The following CRY2 variants were observed in gnomAD, a reference collection of about 807,000 sequenced individuals.
CRY2 encodes cryptochrome circadian regulator 2.
In CRY2, 31 loss-of-function variants were observed where a neutral mutation model predicts 69.5. That is an observed-to-expected ratio of 0.45 (90% confidence interval 0.34 to 0.60). The LOEUF is 0.60. Among genes scored for constraint, CRY2 ranks in the 20% least tolerant of loss-of-function variants. The pLI, the probability that CRY2 is intolerant of heterozygous loss-of-function variation, is 0.02. For synonymous variants in CRY2, 303 were observed against 312.2 expected (o/e 0.97, Z 0.31); for missense variants, 606 against 797.8 (o/e 0.76, Z 2.90).
intron 11 of CRY2, among the ~76,000 whole-genome samples, chr11:45,877,731 AT>A (rs962522210): frequency 1.2e-4 from 18 of 151,850 alleles, no homozygotes; most frequent in African/African-American, 4.4e-4. Context: ...TGCTATCATC[AT>A]TTTTTTGCAA....
chr11:45,865,915 G>A (rs546461827), intron 5 of CRY2, among the ~76,000 whole-genome samples: 4 of 152,324 alleles, frequency 2.6e-5, no homozygotes, highest in South Asian at 4.1e-4. Flanking sequence ...ATGAGTTAGC[G>A]GGGGATGGGA....
intron 2 of CRY2, among the ~76,000 whole-genome samples, chr11:45,856,926 T>C (rs2086244547): frequency 1.3e-5 from 2 of 152,166 alleles, no homozygotes; most frequent in Admixed American, 1.3e-4. Flanking sequence ...AGTCCACTTT[T>C]CCCTCAATCC....
At chr11:45,868,779 G>C (rs1206452309) in intron 6 of CRY2, among the ~76,000 whole-genome samples, 3 of 151,844 alleles carry the variant, frequency 2.0e-5, no homozygotes, top group Non-Finnish European at 2.9e-5. Flanking sequence ...GACTATAGGT[G>C]CATGCCACCA....
Position 45,870,914 on chromosome 11 carries a change from C to T in CRY2, c.1622C>T (p.Ala541Val), listed in dbSNP as rs1427876689. 6.2e-7 allele frequency: 1 copy of T among 1,612,036 alleles called. No individual in the cohort carries two copies. The highest frequency in any genetic ancestry group is 1.1e-5 in the South Asian group (1 of 91,018). ...GTGGCAGAGCCCAGCTCGAGCCAGG[C>T]TGGCAGCATGAGCAGTGCAGGTGAG... ...HPVAEPSSSQAGSMSSAGPRP... is the reference protein window; with the variant it reads ...HPVAEPSSSQVGSMSSAGPRP... The change falls in exon 10 of 12, where the codon GCT becomes GTT. Residue 541 changes from alanine to valine, a missense_variant. Ala to Val is a moderately conservative substitution (Grantham distance 64). Transcript: ENST00000616080.
chr11:45,852,741 G>A (rs144425473), intron 1 of CRY2, among the ~76,000 whole-genome samples: 27 of 152,362 alleles, frequency 1.8e-4, no homozygotes, highest in African/African-American at 5.0e-4. Flanking sequence ...AAGGCAACTT[G>A]TAACAGAGAC....
At chr11:45,870,264 A>ATACCCTG in intron 8 of CRY2, 60 bp downstream of exon 8, 1 of 1,612,000 alleles carries the variant, frequency 6.2e-7, no homozygotes, top group Non-Finnish European at 8.5e-7. Flanking sequence ...CTAGGATGGG[A>ATACCCTG]TACCCTGGGC....
chr11:45,872,322 C>T, intron 11 of CRY2, 89 bp downstream of exon 11: 1 of 1,238,942 alleles, frequency 8.1e-7, no homozygotes, highest in Non-Finnish European at 1.2e-6. Context: ...TGAAACATAG[C>T]AAACTAGATG....
At chr11:45,875,687 G>A (rs933318506) in intron 11 of CRY2, among the ~76,000 whole-genome samples, 2 of 152,128 alleles carry the variant, frequency 1.3e-5, no homozygotes. Context: ...ATCTGGGGTG[G>A]TGCAGACTTC....
At chr11:45,877,261 C>G (rs958808601) in intron 11 of CRY2, among the ~76,000 whole-genome samples, 1 of 152,228 alleles carries the variant, frequency 6.6e-6, no homozygotes, top group Non-Finnish European at 1.5e-5. Flanking sequence ...AGGTAGCGAA[C>G]CCTCTGCCTT....
At chr11:45,871,617 T>G (rs2086383939) in intron 10 of CRY2, among the ~76,000 whole-genome samples, 1 of 152,196 alleles carries the variant, frequency 6.6e-6, no homozygotes, top group South Asian at 2.1e-4. Context: ...CTGGACAGAT[T>G]CGCTGCATTC....
At chr11:45,847,272 C>T (rs762044012), upstream of CRY2, 34 of 1,551,466 alleles carry the variant, frequency 2.2e-5, no homozygotes, top group Non-Finnish European at 5.2e-6. Flanking sequence ...CCCGGGCGGA[C>T]CCACACATGG....
At chr11:45,878,028 G>T (rs529212734) in intron 11 of CRY2, among the ~76,000 whole-genome samples, 6 of 152,194 alleles carry the variant, frequency 3.9e-5, no homozygotes, top group African/African-American at 1.4e-4. Context: ...AACTGGTGCC[G>T]AAGTCAACAT....
Position 45,870,364 on chromosome 11 carries a change from C to T in CRY2, c.1381C>T (p.Arg461Ter), listed in dbSNP as rs2086367809. The change falls in exon 9 of 12, where the codon CGA becomes TGA. Residue 461 changes from arginine (R) to a stop codon, truncating the protein, a stop_gained. Coordinates refer to ENST00000616080, the MANE Select transcript of CRY2 (RefSeq NM_021117.5). LOFTEE classifies it high-confidence loss of function. The part of the protein sequence containing the change: ...YLPKLKAFPS[R>*]YIYEPWNAPE... ...GCCCAAATTGAAAGCGTTCCCCTCTCGATACATCTATGAGCCCTGGAATGC... is the reference window on the plus strand; with the variant it reads ...GCCCAAATTGAAAGCGTTCCCCTCTTGATACATCTATGAGCCCTGGAATGC... 1.2e-6 allele frequency: 2 copies of T among 1,614,202 alleles called. No individual in the cohort carries two copies. Among genetic ancestry groups the T allele is most frequent in the East Asian group, 2.2e-5 (1 of 44,884 alleles).
chr11:45,853,987 C>T (rs76697834), intron 1 of CRY2, among the ~76,000 whole-genome samples: 2,669 of 152,352 alleles, frequency 0.018, 83 homozygotes, highest in African/African-American at 0.06. Context: ...GAGGCCAGGG[C>T]TCAGCCCATG....
At chr11:45,848,204 C>T (rs1165318816) in intron 1 of CRY2, among the ~76,000 whole-genome samples, 1 of 152,196 alleles carries the variant, frequency 6.6e-6, no homozygotes, top group Non-Finnish European at 1.5e-5. Context: ...ACCACCCATC[C>T]TGGCTACCCT....
intron 10 of CRY2, among the ~76,000 whole-genome samples, chr11:45,871,158 CT>C (rs139134676): frequency 0.018 from 2,695 of 152,350 alleles, 94 homozygotes; most frequent in African/African-American, 0.062. Context: ...AGGATTTCTT[CT>C]GTGTCACTTG....
At chr11:45,860,794 G>A in intron 3 of CRY2, 54 bp from the exon 4 acceptor site, 1 of 1,571,756 alleles carries the variant, frequency 6.4e-7, no homozygotes. Flanking sequence ...GGTGGGCAGG[G>A]ACCCACATCA....
chr11:45,859,371 G>A (rs1185871428), intron 3 of CRY2, among the ~76,000 whole-genome samples: 2 of 151,734 alleles, frequency 1.3e-5, no homozygotes, highest in African/African-American at 4.8e-5. Flanking sequence ...GATCAGCCTG[G>A]GCAACATAGT....
At chr11:45,869,857 G>C in intron 7 of CRY2, 40 bp downstream of exon 7, 1 of 1,563,924 alleles carries the variant, frequency 6.4e-7, no homozygotes, top group Non-Finnish European at 8.7e-7. Flanking sequence ...TGTACCCTCT[G>C]GTCAGGCCCG....
Sources: allele counts gnomAD v4.1 joint callset (sites outside exome capture counted in the v4.1 genomes callset), GRCh38; gene constraint gnomAD v4.1.1; transcripts MANE v1.5; gene names NCBI Gene and HGNC (gene_info 2026-07-23, HGNC 2026-07-21).